The following PLEKHD1 variants were observed in gnomAD, a reference collection of about 807,000 sequenced individuals.
The protein encoded by PLEKHD1 is pleckstrin homology domain-containing family D member 1.
In PLEKHD1, 51 loss-of-function variants were observed where a neutral mutation model predicts 69.2. The ratio of observed to expected loss-of-function variants is 0.74; its 90% CI spans 0.59 to 0.93. The LOEUF (loss-of-function observed/expected upper bound fraction) is 0.93. Among genes scored for constraint, PLEKHD1 ranks in the 40% least tolerant of loss-of-function variants. PLEKHD1 has a pLI of 0.00. For missense variants in PLEKHD1, 584 were observed against 641.0 expected (o/e 0.91, Z 0.96); for synonymous variants, 236 against 244.7 (o/e 0.96, Z 0.33).
At chr14:69,517,351 C>G (rs1239753285) in intron 6 of PLEKHD1, among the ~76,000 whole-genome samples, 2 of 152,056 alleles carry the variant, frequency 1.3e-5, no homozygotes, top group Non-Finnish European at 2.9e-5. Flanking sequence ...CTTTGGATAT[C>G]TGGCTGGAGA....
chr14:69,512,729 A>G (rs1883297200), intron 6 of PLEKHD1, among the ~76,000 whole-genome samples: 1 of 151,958 alleles, frequency 6.6e-6, no homozygotes, highest in Admixed American at 6.6e-5. Flanking sequence ...GCACAATTCC[A>G]CTTTGGTTTA....
the PLEKHD1 span, among the ~76,000 whole-genome samples, chr14:69,469,131 G>A: frequency 0.12 from 18,792 of 152,090 alleles, 1,393 homozygotes; most frequent in Middle Eastern, 0.26. Flanking sequence ...GCACCAGCTC[G>A]GTCCTCTTCC....
At chr14:69,483,854 AGGCGGTCCCCTGGGGCC>A (rs1228890772), upstream of PLEKHD1, among the ~76,000 whole-genome samples, 7 of 152,198 alleles carry the variant, frequency 4.6e-5, no homozygotes, top group South Asian at 1.4e-3. Context: ...TGCCGGGAGG[AGGCGGTCCCCTGGGGCC>A]CGGCCGGCAT....
rs1883029626 is a variant in PLEKHD1 at position 69,501,740 on chromosome 14, G to A, written c.417G>A (p.Trp139Ter). The A allele has an allele frequency of 1.3e-6, 2 of 1,551,136 alleles. No homozygotes were observed. The highest frequency in any genetic ancestry group is 2.7e-5 in the African/African-American group (2 of 73,134). The change falls in exon 5 of 13, where the codon TGG becomes TGA. Residue 139 changes from tryptophan to a stop codon, truncating the protein, a stop_gained. Coordinates refer to ENST00000322564, the MANE Select transcript of PLEKHD1 (RefSeq NM_001161498.2). LOFTEE classifies it high-confidence loss of function. ...ATCTGCCCTCCCTCCCCAGGACCTG[G>A]AAGAATGCCCAGCTGGGAGAAGCCA... ...EMLQESGKVTWKNAQLGEAMI... is the reference protein window; with the variant it reads ...EMLQESGKVT
chr14:69,489,013 A>G (rs1232775690), intron 1 of PLEKHD1, among the ~76,000 whole-genome samples: 1 of 119,366 alleles, frequency 8.4e-6, no homozygotes, highest in Non-Finnish European at 2.0e-5. Flanking sequence ...GATACACATC[A>G]GGTCACTGGG....
chr14:69,508,515 A>G (rs1883202004), intron 6 of PLEKHD1, among the ~76,000 whole-genome samples: 1 of 152,142 alleles, frequency 6.6e-6, no homozygotes, highest in African/African-American at 2.4e-5. Flanking sequence ...CCCAGGCTAA[A>G]GTGATCCACC....
At chr14:69,479,769 A>G (rs573011508), upstream of PLEKHD1, among the ~76,000 whole-genome samples, 1 of 152,338 alleles carries the variant, frequency 6.6e-6, no homozygotes, top group African/African-American at 2.4e-5. Flanking sequence ...AGCTGGTGGC[A>G]GAGCCTGGAC....
At chr14:69,482,901 A>G (rs1171602103), upstream of PLEKHD1, among the ~76,000 whole-genome samples, 4 of 148,226 alleles carry the variant, frequency 2.7e-5, no homozygotes, top group African/African-American at 4.9e-5. Flanking sequence ...TCTAAAAAAA[A>G]AAAAAGAAAG....
In PLEKHD1 at chr14:69,531,247, T is replaced by C. The variant is rs1760814896; in HGVS notation, c.*2828T>C. ...TGTGAGTTTGGGAGGGAACAAACAT[T>C]CAAACTGTAGCAGTGCTTTTCCATG... On this transcript the variant is annotated 3_prime_UTR_variant, in exon 13 of 13. Transcript: ENST00000322564. 2 of 152,406 alleles carry C rather than the reference T, an allele frequency of 1.3e-5. No individual in the cohort carries two copies. Among genetic ancestry groups the C allele is most frequent in the South Asian group, 4.1e-4 (2 of 4,834 alleles). 9.4% of individuals were successfully genotyped at this position (152,406 alleles called of 1,614,324 possible).
chr14:69,512,718 A>G (rs1883297063), intron 6 of PLEKHD1, among the ~76,000 whole-genome samples: 1 of 152,110 alleles, frequency 6.6e-6, no homozygotes, highest in African/African-American at 2.4e-5. Context: ...GTTGATTTCT[A>G]GCACAATTCC....
In PLEKHD1 at chr14:69,515,216, C is replaced by A. The variant is rs184133449; in HGVS notation, c.556-7067C>A. 2.0e-3 allele frequency among the ~76,000 whole-genome samples: 308 copies of A among 152,246 alleles called. 2 individuals are homozygous for A. The highest frequency in any genetic ancestry group is 3.1e-3 in the Non-Finnish European group (209 of 68,010). On this transcript the variant is annotated intron_variant, in intron 6 of 12. Transcript: ENST00000322564. ...CTGTCTCAACAAACCAACCAACCAA[C>A]AAACAAAAAAACAGAATGCTGTGTT...
chr14:69,479,393 A>G, the PLEKHD1 span, among the ~76,000 whole-genome samples: 2 of 152,218 alleles, frequency 1.3e-5, no homozygotes, highest in African/African-American at 2.4e-5. Context: ...CAAGAGACTT[A>G]CAGGATCAGC....
At chr14:69,497,778 C>G (rs946486005) in intron 1 of PLEKHD1, among the ~76,000 whole-genome samples, 2 of 152,160 alleles carry the variant, frequency 1.3e-5, no homozygotes, top group African/African-American at 4.8e-5. Flanking sequence ...TGTGCTGTTT[C>G]CGCAGTGGGG....
chr14:69,497,779 C>T (rs1057122735), intron 1 of PLEKHD1, among the ~76,000 whole-genome samples: 2 of 152,128 alleles, frequency 1.3e-5, no homozygotes, highest in East Asian at 1.9e-4. Flanking sequence ...GTGCTGTTTC[C>T]GCAGTGGGGG....
chr14:69,527,325 T>C lies in PLEKHD1; in HGVS notation c.1194T>C (p.His398=). Residue 398 remains histidine (H), a synonymous_variant, in exon 11 of 13, where the codon CAT becomes CAC. Coordinates refer to ENST00000322564, the MANE Select transcript of PLEKHD1 (RefSeq NM_001161498.2). ...KEERMRADVS[H]LKRFFEECIR... ...AGAGGATGCGGGCTGATGTGAGCCATCTGAAAAGTAAGCCCTGCCTCTAGG... is the reference window on the plus strand; with the variant it reads ...AGAGGATGCGGGCTGATGTGAGCCACCTGAAAAGTAAGCCCTGCCTCTAGG... 16 of 1,551,640 alleles carry C rather than the reference T, an allele frequency of 1.0e-5. No homozygotes were observed. Among genetic ancestry groups the C allele is most frequent in the Non-Finnish European group, 1.3e-5 (15 of 1,146,996 alleles).
At chr14:69,519,207 T>C (rs907672469) in intron 6 of PLEKHD1, among the ~76,000 whole-genome samples, 1 of 152,134 alleles carries the variant, frequency 6.6e-6, no homozygotes, top group African/African-American at 2.4e-5. Flanking sequence ...TTTGTATTTA[T>C]AGCTGTCAGG....
chr14:69,524,221 CT>C lies in PLEKHD1; in HGVS notation c.651-7del. On this transcript the variant is annotated splice_polypyrimidine_tract_variant and splice_region_variant and intron_variant, in intron 7 of 12. Coordinates refer to ENST00000322564, the MANE Select transcript of PLEKHD1 (RefSeq NM_001161498.2). ...GGCACTGCCATACCCAGCCCTCTGT[CT>C]CCACAGGGAGCTGGAACTGACTGCA... 2 of 1,548,110 alleles carry C rather than the reference CT, an allele frequency of 1.3e-6. No homozygotes were observed. Among genetic ancestry groups the C allele is most frequent in the South Asian group, 2.4e-5 (2 of 83,962 alleles).
chr14:69,480,676 G>T (rs934553531), upstream of PLEKHD1, among the ~76,000 whole-genome samples: 1 of 151,650 alleles, frequency 6.6e-6, no homozygotes, highest in East Asian at 1.9e-4. Flanking sequence ...TTTTGAGACA[G>T]AGTCTTGCTC....
At position 69,501,836 on chromosome 14, in the gene PLEKHD1, G is replaced by C; in HGVS notation, c.502+11G>C. 1 of 1,546,866 alleles carries C rather than the reference G, an allele frequency of 6.5e-7. No individual in the cohort carries two copies. The highest frequency in any genetic ancestry group is 8.7e-7 in the Non-Finnish European group (1 of 1,143,148). On this transcript the variant is annotated intron_variant, in intron 5 of 12. Coordinates refer to ENST00000322564, the MANE Select transcript of PLEKHD1 (RefSeq NM_001161498.2). ...AGCAGGAGTATTTAGGTTGGCTGGA[G>C]GGGTGGTTCCCTAATGGTAGCAGCA...
Sources: gnomAD v4.1 joint callset for allele counts (sites outside exome capture counted in the v4.1 genomes callset) on GRCh38, gnomAD v4.1.1 for gene constraint, MANE v1.5 for transcripts, NCBI Gene and HGNC (gene_info 2026-07-23, HGNC 2026-07-21) for gene names.